ANKS1B: variants seen among roughly 807,000 people sequenced by gnomAD.
ANKS1B encodes ankyrin repeat and sterile alpha motif domain-containing protein 1B.
In ANKS1B, 36 loss-of-function variants were observed where a neutral mutation model predicts 148.3. The observed-to-expected ratio is 0.24, with a 90% CI of 0.19 to 0.32. The LOEUF is 0.32. Among genes scored for constraint, ANKS1B ranks in the 10% least tolerant of loss-of-function variants. The probability of loss-of-function intolerance (pLI) is 1.00; values close to 1 mark genes in which losing one functional copy is unlikely to be tolerated. For missense variants in ANKS1B, 1,157 were observed against 1,542.6 expected (o/e 0.75, Z 4.19); for synonymous variants, 542 against 560.8 (o/e 0.97, Z 0.47).
intron 10 of ANKS1B, among the ~76,000 whole-genome samples, chr12:99,445,375 A>G (rs2095619670): frequency 6.6e-6 from 1 of 152,020 alleles, no homozygotes; most frequent in Non-Finnish European, 1.5e-5. Context: ...GAATAGGTTA[A>G]GCACTGAGGA....
At chr12:99,578,635 G>A (rs1250084591) in intron 9 of ANKS1B, among the ~76,000 whole-genome samples, 3 of 151,936 alleles carry the variant, frequency 2.0e-5, no homozygotes, top group Admixed American at 2.0e-4. Flanking sequence ...AGGAATACAG[G>A]TAACCAGGGA....
At chr12:98,917,335 C>T (rs1463792935) in intron 17 of ANKS1B, among the ~76,000 whole-genome samples, 1 of 152,154 alleles carries the variant, frequency 6.6e-6, no homozygotes, top group Non-Finnish European at 1.5e-5. Context: ...GCTCCTTCCC[C>T]ACCCTATGCT....
At chr12:99,387,526 T>C (rs1053665274) in intron 12 of ANKS1B, among the ~76,000 whole-genome samples, 10 of 151,780 alleles carry the variant, frequency 6.6e-5, no homozygotes, top group Non-Finnish European at 1.0e-4. Flanking sequence ...TGAGGCAGGG[T>C]TGTTGCTTGA....
At chr12:99,025,259 T>C (rs1407474693) in intron 17 of ANKS1B, among the ~76,000 whole-genome samples, 2 of 152,166 alleles carry the variant, frequency 1.3e-5, no homozygotes, top group Admixed American at 6.6e-5. Context: ...TTGAGGATAA[T>C]AGATTGAGAA....
At chr12:99,411,114 G>A (rs2094688587) in intron 11 of ANKS1B, among the ~76,000 whole-genome samples, 1 of 152,148 alleles carries the variant, frequency 6.6e-6, no homozygotes, top group Non-Finnish European at 1.5e-5. Context: ...GTGGAAAGTG[G>A]GAAAACAGTT....
intron 1 of ANKS1B, among the ~76,000 whole-genome samples, chr12:99,865,219 T>A (rs1366245878): frequency 3.9e-5 from 6 of 152,228 alleles, no homozygotes; most frequent in Non-Finnish European, 8.8e-5. Context: ...TCTATGTTAC[T>A]GCTTACTTCA....
rs771476860 is a variant in ANKS1B, at chr12:99,806,090, T to G, written c.669+314A>C. Among the ~76,000 whole-genome samples the G allele has an allele frequency of 3.9e-5, 6 of 152,344 alleles. No individual in the cohort carries two copies. The East Asian group carries it at 7.7e-4, about 20-fold the overall frequency. On this transcript the variant is annotated intron_variant, in intron 4 of 26. Transcript: ENST00000683438. ...TTCCATTCATTCATTAAACTCTGAC[T>G]GGATTCCTACTGTATGTTAGGCTGT...
chr12:98,819,078 T>C (rs1442894653), intron 19 of ANKS1B, among the ~76,000 whole-genome samples: 3 of 152,208 alleles, frequency 2.0e-5, no homozygotes, highest in African/African-American at 7.2e-5. Context: ...GAGGTAAGAT[T>C]CTTAAAATGA....
intron 9 of ANKS1B, among the ~76,000 whole-genome samples, chr12:99,616,612 C>T (rs550142355): frequency 7.4e-4 from 112 of 152,228 alleles, no homozygotes; most frequent in African/African-American, 2.6e-3. Context: ...AACTGAACCC[C>T]TTTCTTACAT....
chr12:99,301,176 T>C (rs975514980), intron 12 of ANKS1B, among the ~76,000 whole-genome samples: 9 of 152,200 alleles, frequency 5.9e-5, no homozygotes, highest in Non-Finnish European at 7.3e-5. Flanking sequence ...TTTCATTCTA[T>C]CTGGGCTCTC....
intron 14 of ANKS1B, among the ~76,000 whole-genome samples, chr12:99,193,157 T>C (rs1700919676): frequency 6.6e-6 from 1 of 152,194 alleles, no homozygotes; most frequent in Admixed American, 6.5e-5. Flanking sequence ...GCTTATTCCT[T>C]GTACATAACA....
intron 10 of ANKS1B, among the ~76,000 whole-genome samples, chr12:99,460,546 A>G (rs1567143052): frequency 1.3e-5 from 2 of 152,118 alleles, no homozygotes; most frequent in Non-Finnish European, 2.9e-5. Context: ...ACTCAAACAT[A>G]TCAGCAAGAA....
intron 12 of ANKS1B, among the ~76,000 whole-genome samples, chr12:99,315,018 G>A (rs2083788993): frequency 6.6e-6 from 1 of 151,806 alleles, no homozygotes; most frequent in South Asian, 2.1e-4. Context: ...GCTGAGGCGG[G>A]TGGATCATGA....
chr12:99,645,294 G>A (rs1157479090), intron 9 of ANKS1B, among the ~76,000 whole-genome samples: 2 of 152,166 alleles, frequency 1.3e-5, no homozygotes, highest in African/African-American at 4.8e-5. Context: ...TTGGGAAGAC[G>A]AAATTTAGCA....
intron 8 of ANKS1B, among the ~76,000 whole-genome samples, chr12:99,739,598 C>T (rs568247144): frequency 3.2e-4 from 49 of 152,222 alleles, no homozygotes; most frequent in Admixed American, 1.4e-3. Flanking sequence ...ATATTTCTAG[C>T]GGCCCATAAT....
rs111382847 is a variant in ANKS1B at position 99,283,532 on chromosome 12, C to A, written c.1757-36668G>T. ...TGGGAAAATGGAGGGAGGATGAGTTCTTTATCACCTGGCAGGAGTGTATCC... is the reference window on the plus strand; with the variant it reads ...TGGGAAAATGGAGGGAGGATGAGTTATTTATCACCTGGCAGGAGTGTATCC... On this transcript the variant is annotated intron_variant, in intron 12 of 26. Transcript: ENST00000683438. Among the ~76,000 whole-genome samples the A allele has an allele frequency of 9.2e-3, 1,399 of 152,250 alleles. 11 individuals are homozygous for A. The highest frequency in any genetic ancestry group is 0.027 in the South Asian group (132 of 4,828).
chr12:99,352,667 G>A (rs1380276140), intron 12 of ANKS1B, among the ~76,000 whole-genome samples: 1 of 151,880 alleles, frequency 6.6e-6, no homozygotes, highest in Non-Finnish European at 1.5e-5. Context: ...TCCCCATCAG[G>A]CAAAAGACCC....
intron 12 of ANKS1B, among the ~76,000 whole-genome samples, chr12:99,355,895 TTA>T (rs1197036524): frequency 3.3e-5 from 5 of 152,138 alleles, no homozygotes. Flanking sequence ...AGTGTTTTAT[TTA>T]TATCTTTTAC....
intron 1 of ANKS1B, among the ~76,000 whole-genome samples, chr12:99,923,367 T>A (rs2094409964): frequency 6.6e-6 from 1 of 152,210 alleles, no homozygotes; most frequent in Non-Finnish European, 1.5e-5. Context: ...AGGAAGAGTT[T>A]AACAAGTCTA....
Sources: allele counts gnomAD v4.1 joint callset (sites outside exome capture counted in the v4.1 genomes callset), GRCh38; gene constraint gnomAD v4.1.1; transcripts MANE v1.5; gene names NCBI Gene and HGNC (gene_info 2026-07-23, HGNC 2026-07-21).